The following ADAM9 variants were observed in gnomAD, a reference collection of about 807,000 sequenced individuals.
ADAM9 encodes the protein ADAM metallopeptidase domain 9, also known as disintegrin and metalloproteinase domain-containing protein 9.
In ADAM9, 54 loss-of-function variants were observed where a neutral mutation model predicts 108.1. The ratio of observed to expected loss-of-function variants is 0.50; its 90% CI spans 0.40 to 0.63. The LOEUF (loss-of-function observed/expected upper bound fraction) is 0.63, where lower values mean the gene tolerates loss of function less well. ADAM9 is among the 20% of genes least tolerant of loss of function. The pLI is 0.00. For synonymous variants in ADAM9, 316 were observed against 336.0 expected (o/e 0.94, Z 0.65); for missense variants, 830 against 997.7 (o/e 0.83, Z 2.26).
At chr8:39,044,332 A>G (rs538588606) in intron 12 of ADAM9, among the ~76,000 whole-genome samples, 3 of 152,266 alleles carry the variant, frequency 2.0e-5, no homozygotes, top group African/African-American at 7.2e-5. Context: ...CCACGGGGGA[A>G]GGGACTACCT....
chr8:39,080,561 A>C (rs4543512), intron 16 of ADAM9, among the ~76,000 whole-genome samples: 1 of 151,994 alleles, frequency 6.6e-6, no homozygotes, highest in Non-Finnish European at 1.5e-5. Flanking sequence ...GGTTTAATCT[A>C]TGAGTCTAAC....
chr8:39,079,286 C>T (rs1263991877), intron 16 of ADAM9, among the ~76,000 whole-genome samples: 2 of 152,060 alleles, frequency 1.3e-5, no homozygotes, highest in African/African-American at 4.8e-5. Context: ...TTTAATTTTT[C>T]TGTAGAGACA....
At chr8:39,061,291 C>A (rs969182955) in intron 14 of ADAM9, among the ~76,000 whole-genome samples, 1 of 152,178 alleles carries the variant, frequency 6.6e-6, no homozygotes, top group Non-Finnish European at 1.5e-5. Flanking sequence ...ATTCTGCCAG[C>A]TGTTGAGTGT....
chr8:39,089,890 A>T lies in ADAM9; in HGVS notation c.2069-157A>T. 7 of 780,898 alleles carry T rather than the reference A, an allele frequency of 9.0e-6. No homozygotes were observed. The South Asian group carries it at 1.1e-4, about 12-fold the overall frequency. 48.4% of individuals were successfully genotyped at this position (780,898 alleles called of 1,614,324 possible). A position where few individuals can be genotyped will look rare whatever the true frequency, so the allele number is the denominator to read the frequency against. ...TTTTGTGAAGGCAGAAGTAAAGCGGACAGGAATGAACTTTGTGGAAGACTT... is the reference window on the plus strand; with the variant it reads ...TTTTGTGAAGGCAGAAGTAAAGCGGTCAGGAATGAACTTTGTGGAAGACTT... On this transcript the variant is annotated intron_variant, in intron 18 of 21. Transcript: ENST00000487273.
intron 15 of ADAM9, among the ~76,000 whole-genome samples, chr8:39,072,494 T>C (rs1343877726): frequency 6.6e-6 from 1 of 152,244 alleles, no homozygotes; most frequent in Non-Finnish European, 1.5e-5. Context: ...GAAACCTCTT[T>C]TTTTTTGGTG....
chr8:39,096,536 C>T (rs1312340397), intron 20 of ADAM9, among the ~76,000 whole-genome samples: 1 of 152,104 alleles, frequency 6.6e-6, no homozygotes, highest in African/African-American at 2.4e-5. Context: ...TTATGCTATG[C>T]TTTTAACATT....
chr8:39,063,379 G>T (rs979133177), intron 14 of ADAM9, among the ~76,000 whole-genome samples: 5 of 152,196 alleles, frequency 3.3e-5, no homozygotes, highest in African/African-American at 1.2e-4. Flanking sequence ...CTCAGGCAAT[G>T]CAGGGTTAGT....
chr8:39,016,897 A>C (rs757823981), intron 5 of ADAM9: 1 of 354,788 alleles, frequency 2.8e-6, no homozygotes, highest in Non-Finnish European at 5.3e-6. Context: ...TGCAGCTAGT[A>C]GAAGACATTT....
At position 39,090,198 on chromosome 8, in the gene ADAM9, T is replaced by G; in HGVS notation, c.2210+10T>G. The G allele has an allele frequency of 6.2e-7, 1 of 1,606,882 alleles. No individual in the cohort carries two copies. Among genetic ancestry groups the G allele is most frequent in the Non-Finnish European group, 8.5e-7 (1 of 1,175,092 alleles). ...GATCACAAACATATGAGTACTTAGA[T>G]TTTTTTCTTTTAATTCCTATATTAA... On this transcript the variant is annotated intron_variant, in intron 19 of 21. Coordinates refer to ENST00000487273, the MANE Select transcript of ADAM9 (RefSeq NM_003816.3).
At chr8:39,021,785 T>A in intron 8 of ADAM9, 71 bp downstream of exon 8, 3 of 1,362,292 alleles carry the variant, frequency 2.2e-6, no homozygotes, top group Non-Finnish European at 3.1e-6. Context: ...AACTTAAAAA[T>A]GTCTCATTTT....
intron 12 of ADAM9, among the ~76,000 whole-genome samples, chr8:39,049,170 G>A (rs942778567): frequency 7.3e-5 from 11 of 151,492 alleles, no homozygotes; most frequent in Admixed American, 4.6e-4. Context: ...GTTTTCCTTT[G>A]TAATTTTTTG....
intron 1 of ADAM9, among the ~76,000 whole-genome samples, chr8:38,997,774 A>C (rs1393513610): frequency 6.6e-6 from 1 of 152,216 alleles, no homozygotes; most frequent in African/African-American, 2.4e-5. Context: ...ACGATGTGCT[A>C]CCTTTCTATA....
chr8:39,096,613 T>G (rs1028123580), intron 20 of ADAM9, among the ~76,000 whole-genome samples: 3 of 152,240 alleles, frequency 2.0e-5, no homozygotes, highest in Non-Finnish European at 4.4e-5. Context: ...GTCTATACAC[T>G]TACCATTATT....
At chr8:39,026,945 T>C (rs1053398228) in intron 11 of ADAM9, 135 bp downstream of exon 11, 10 of 1,126,456 alleles carry the variant, frequency 8.9e-6, no homozygotes, top group Non-Finnish European at 1.3e-5. Flanking sequence ...TTGCATGACA[T>C]ACCAATGAGA....
chr8:39,045,358 A>ATATGTGCGTGTGTACACACACC (rs1837684545), intron 12 of ADAM9, among the ~76,000 whole-genome samples: 1 of 93,518 alleles, frequency 1.1e-5, no homozygotes, highest in Non-Finnish European at 2.2e-5. Flanking sequence ...GTGTACATAC[A>ATATGTGCGTGTGTACACACACC]TATAGGTGTG....
intron 14 of ADAM9, among the ~76,000 whole-genome samples, chr8:39,065,917 A>G (rs933333014): frequency 5.3e-5 from 8 of 151,998 alleles, no homozygotes; most frequent in Non-Finnish European, 1.2e-4. Flanking sequence ...CCACCCCATG[A>G]CAGGCCCCGG....
intron 14 of ADAM9, among the ~76,000 whole-genome samples, chr8:39,071,042 G>A (rs1241686653): frequency 1.3e-5 from 2 of 152,232 alleles, no homozygotes; most frequent in South Asian, 2.1e-4. Context: ...TTATTTAATA[G>A]TGTTTCTTTT....
rs1427169264 is a variant in ADAM9, at chr8:39,104,420, CAT to C, written c.*721_*722del. On this transcript the variant is annotated 3_prime_UTR_variant, in exon 22 of 22. Coordinates refer to ENST00000487273, the MANE Select transcript of ADAM9 (RefSeq NM_003816.3). ...TAATATTAGAATTTCTATTATGAAT[CAT>C]GTGAAAGCATGACATTCGTTCACAA... The C allele has an allele frequency of 9.3e-6, 4 of 429,038 alleles. No homozygotes were observed. The highest frequency in any genetic ancestry group is 1.4e-5 in the Non-Finnish European group (3 of 213,814). The allele number at this position is 429,038 out of a possible 1,614,324, so 26.6% of individuals were successfully genotyped here. A position where few individuals can be genotyped will look rare whatever the true frequency, so the allele number is the denominator to read the frequency against.
chr8:39,047,641 T>A (rs935250541), intron 12 of ADAM9, among the ~76,000 whole-genome samples: 1 of 152,148 alleles, frequency 6.6e-6, no homozygotes, highest in Non-Finnish European at 1.5e-5. Flanking sequence ...TTGAAATGTC[T>A]CCTTTCTCAT....
Sources: allele counts gnomAD v4.1 joint callset (sites outside exome capture counted in the v4.1 genomes callset), GRCh38; gene constraint gnomAD v4.1.1; transcripts MANE v1.5; gene names NCBI Gene and HGNC (gene_info 2026-07-23, HGNC 2026-07-21).